Variants in NCKAP1 observed in about 807,000 individuals in gnomAD.
NCKAP1 encodes the protein nck-associated protein 1.
Under a neutral mutation model 151.2 loss-of-function variants are expected in NCKAP1, and 21 were observed. The observed-to-expected ratio is 0.14, with a 90% confidence interval of 0.10 to 0.20. The LOEUF (loss-of-function observed/expected upper bound fraction) is 0.20, where lower values mean the gene tolerates loss of function less well. NCKAP1 is among the 10% of genes least tolerant of loss of function. NCKAP1 has a pLI of 1.00. For synonymous variants in NCKAP1, 484 were observed against 451.8 expected, an observed-to-expected ratio of 1.07 and a Z score of -0.90; for missense variants, 933 against 1,352.1, an observed-to-expected ratio of 0.69 and a Z score of 4.86.
At position 182,994,846 on chromosome 2, in the gene NCKAP1, C is replaced by G. The variant is rs769039837; in HGVS notation, c.783G>C (p.Trp261Cys). ...CTAACCCATTTTACTTACAGATAAT[C>G]CACTTTTCCATTGCATCCAAAGAGA... ...EYLSLDAMEK[W>C]IIFGFILCHG... The change falls in exon 8 of 31, where the codon TGG (tryptophan) becomes TGC (cysteine). Residue 261 changes from tryptophan to cysteine, a missense_variant. Physicochemically the swap from Trp to Cys is radical, Grantham distance 215. Coordinates refer to ENST00000361354, the MANE Select transcript of NCKAP1 (RefSeq NM_013436.5). 3.0e-5 allele frequency: 48 copies of G among 1,604,906 alleles called. No homozygotes were observed. The highest frequency in any genetic ancestry group is 4.0e-5 in the Non-Finnish European group (47 of 1,171,878).
intron 30 of NCKAP1, 27 bp downstream of exon 30, chr2:182,926,789 G>T (rs2105796204): frequency 7.0e-7 from 1 of 1,437,354 alleles, no homozygotes; most frequent in Non-Finnish European, 9.6e-7. Flanking sequence ...CTTTTTTATT[G>T]TTAGTAAAAA....
At chr2:182,942,864 A>C (rs6745341) in intron 23 of NCKAP1, among the ~76,000 whole-genome samples, 15,608 of 152,160 alleles carry the variant, frequency 0.1, 1,129 homozygotes, top group African/African-American at 0.2. Context: ...AAATGTAATT[A>C]ATTTCATTCT....
Position 182,930,699 on chromosome 2 carries a change from T to C in NCKAP1, c.2949A>G (p.Lys983=). 4 of 1,612,570 alleles carry C rather than the reference T, an allele frequency of 2.5e-6. No individual in the cohort carries two copies. In the South Asian group the frequency reaches 4.4e-5, roughly 18 times the overall value. The change falls in exon 27 of 31, where the codon AAA becomes AAG. Residue 983 remains lysine, a synonymous_variant. Transcript: ENST00000361354. ...PALVVALSSQ[K]SENISPEEEY... ...ATATTTACTAATGCATTTTACCCGATTTTTGTGAAGAAAGAGCTACGACCA... is the reference window on the plus strand; with the variant it reads ...ATATTTACTAATGCATTTTACCCGACTTTTGTGAAGAAAGAGCTACGACCA...
chr2:182,993,305 C>T (rs1448809197), intron 8 of NCKAP1, among the ~76,000 whole-genome samples: 1 of 152,094 alleles, frequency 6.6e-6, no homozygotes, highest in Admixed American at 6.5e-5. Flanking sequence ...AATTTTTTCC[C>T]GTATTTTAAT....
chr2:182,966,716 G>A (rs913629893), intron 16 of NCKAP1, among the ~76,000 whole-genome samples: 1 of 152,306 alleles, frequency 6.6e-6, no homozygotes, highest in South Asian at 2.1e-4. Context: ...GGGAGGAAGA[G>A]AGGGAAGAAA....
chr2:182,978,472 G>A (rs538307777), intron 14 of NCKAP1, among the ~76,000 whole-genome samples: 1 of 152,260 alleles, frequency 6.6e-6, no homozygotes, highest in South Asian at 2.1e-4. Context: ...AAAGAATGTG[G>A]AGTAAATGGG....
chr2:182,976,360 T>C (rs1421659980), intron 15 of NCKAP1, among the ~76,000 whole-genome samples: 1 of 152,234 alleles, frequency 6.6e-6, no homozygotes, highest in Non-Finnish European at 1.5e-5. Flanking sequence ...CAGATCGTGG[T>C]GGTAAACTAT....
intron 26 of NCKAP1, 78 bp from the exon 27 acceptor site, chr2:182,930,866 G>T (rs2105800339): frequency 2.4e-6 from 3 of 1,252,902 alleles, no homozygotes; most frequent in Admixed American, 2.1e-5. Flanking sequence ...ATTAGAGTCT[G>T]CCTAGAAGAA....
At chr2:183,030,549 T>A (rs1341643484) in intron 1 of NCKAP1, among the ~76,000 whole-genome samples, 1 of 152,098 alleles carries the variant, frequency 6.6e-6, no homozygotes, top group Non-Finnish European at 1.5e-5. Context: ...ACCAGCCCCA[T>A]CTGAATAATG....
At position 182,937,114 on chromosome 2, in the gene NCKAP1, C is replaced by CA. The variant is rs67087110; in HGVS notation, c.2696-1740dup. On this transcript the variant is annotated intron_variant, in intron 24 of 30. Coordinates refer to ENST00000361354, the MANE Select transcript of NCKAP1 (RefSeq NM_013436.5). Reference sequence around the variant, plus strand: ...TAGGCAACAGAGCAAGACTGTCTCACAAAAAAAAAAAAAAAAAAAAAAAAA... The same window carrying CA: ...TAGGCAACAGAGCAAGACTGTCTCACAAAAAAAAAAAAAAAAAAAAAAAAAA... Among the ~76,000 whole-genome samples the CA allele has an allele frequency of 1.0e-3, 83 of 80,836 alleles. 3 individuals are homozygous for CA. The highest frequency in any genetic ancestry group is 1.3e-3 in the Non-Finnish European group (61 of 48,050). The allele number at this position is 80,836 out of a possible 152,430, so 53.0% of individuals were successfully genotyped here.
chr2:182,925,423 CAA>C lies in NCKAP1; in HGVS notation c.*277_*278del, dbSNP rs1696622875. On this transcript the variant is annotated 3_prime_UTR_variant, in exon 31 of 31. Transcript: ENST00000361354. ...AACAAGCAAAGATTTTTTTCATTAT[CAA>C]ATATCAAAAACATGTTGATAATGTA... is the stretch of plus-strand genomic sequence containing the variant. 1 of 182,308 alleles carries C rather than the reference CAA, an allele frequency of 5.5e-6. No homozygotes were observed. The highest frequency in any genetic ancestry group is 2.3e-5 in the African/African-American group (1 of 42,594). 11.3% of individuals were successfully genotyped at this position (182,308 alleles called of 1,614,324 possible).
intron 23 of NCKAP1, among the ~76,000 whole-genome samples, chr2:182,948,772 T>C (rs1357869475): frequency 1.3e-5 from 2 of 152,344 alleles, no homozygotes; most frequent in South Asian, 4.1e-4. Flanking sequence ...ATTCATCTGA[T>C]TGCAAGTTGA....
At position 183,002,198 on chromosome 2, in the gene NCKAP1, C is replaced by G; in HGVS notation, c.441G>C (p.Leu147=). Residue 147 remains leucine, a synonymous_variant, in exon 5 of 31, where the codon CTG becomes CTC. Transcript: ENST00000361354. The stretch of plus-strand genomic sequence containing the variant: ...TTGCCTTCCTTTCTTCAATTCGAGA[C>G]AGCAGTATCATTAGTGTTGTATAGG... The part of the protein sequence containing the change: ...IITYTTLMIL[L]SRIEERKAII... 1 of 1,594,626 alleles carries G rather than the reference C, an allele frequency of 6.3e-7. No individual in the cohort carries two copies. Among genetic ancestry groups the G allele is most frequent in the Non-Finnish European group, 8.6e-7 (1 of 1,162,528 alleles).
chr2:182,996,402 T>C (rs932012248), intron 6 of NCKAP1, among the ~76,000 whole-genome samples: 2 of 152,370 alleles, frequency 1.3e-5, no homozygotes, highest in East Asian at 3.9e-4. Context: ...GTTTCTTTCT[T>C]GCTTTCATAA....
intron 10 of NCKAP1, among the ~76,000 whole-genome samples, chr2:182,984,194 T>C (rs1698001309): frequency 6.6e-6 from 1 of 152,088 alleles, no homozygotes; most frequent in Admixed American, 6.6e-5. Flanking sequence ...AGAGCTATAG[T>C]CAATAAAGGT....
In NCKAP1 at chr2:182,920,979, T is replaced by C. The variant is rs969788511; in HGVS notation, c.*4723A>G. 1 of 152,214 alleles carries C rather than the reference T, an allele frequency of 6.6e-6. No homozygotes were observed. The highest frequency in any genetic ancestry group is 2.4e-5 in the African/African-American group (1 of 41,450). The allele number at this position is 152,214 out of a possible 1,614,324, so 9.4% of individuals were successfully genotyped here. A position where few individuals can be genotyped will look rare whatever the true frequency, so the allele number is the denominator to read the frequency against. On this transcript the variant is annotated 3_prime_UTR_variant, in exon 31 of 31. Coordinates refer to ENST00000361354, the MANE Select transcript of NCKAP1 (RefSeq NM_013436.5). ...ACATTCAGGACGCATCACTGAGTAG[T>C]GCACAGTTTTAGTCTGTGAGCACGC...
rs1559066143 is a variant in NCKAP1 at position 182,920,173 on chromosome 2, CA to C, written c.*5528del. The stretch of plus-strand genomic sequence containing the variant: ...TTTTTTTGTAGAGATGGGGTTTAGA[CA>C]TATTGCCCAGGCTGCTCTCGAACTT... On this transcript the variant is annotated 3_prime_UTR_variant, in exon 31 of 31. Coordinates refer to ENST00000361354, the MANE Select transcript of NCKAP1 (RefSeq NM_013436.5). 2 of 152,136 alleles carry C rather than the reference CA, an allele frequency of 1.3e-5. No homozygotes were observed. The highest frequency in any genetic ancestry group is 4.8e-5 in the African/African-American group (2 of 41,366). The allele number at this position is 152,136 out of a possible 1,614,324, so 9.4% of individuals were successfully genotyped here.
rs377116242 is a variant in NCKAP1, at chr2:183,038,195, G to A, written c.-96C>T. 13 of 811,346 alleles carry A rather than the reference G, an allele frequency of 1.6e-5. No individual in the cohort carries two copies. Among genetic ancestry groups the A allele is most frequent in the East Asian group, 6.7e-5 (2 of 29,932 alleles). 50.3% of individuals were successfully genotyped at this position (811,346 alleles called of 1,614,324 possible). The stretch of plus-strand genomic sequence containing the variant: ...CCTCTCTCGGGCCTCCTCCCCTCCC[G>A]CCCGCGACCTCCGCCTTAGGAGAGC... On this transcript the variant is annotated 5_prime_UTR_variant, in exon 1 of 31. Coordinates refer to ENST00000361354, the MANE Select transcript of NCKAP1 (RefSeq NM_013436.5).
chr2:182,971,655 G>A (rs1466044012), intron 15 of NCKAP1, among the ~76,000 whole-genome samples: 2 of 151,308 alleles, frequency 1.3e-5, no homozygotes, highest in Admixed American at 6.6e-5. Flanking sequence ...ATTACTGATC[G>A]CAAAATCTAC....
Sources: gnomAD v4.1 joint callset for allele counts (sites outside exome capture counted in the v4.1 genomes callset) on GRCh38, gnomAD v4.1.1 for gene constraint, MANE v1.5 for transcripts, NCBI Gene and HGNC (gene_info 2026-07-23, HGNC 2026-07-21) for gene names.